Variants in TTC3 observed in about 807,000 individuals in gnomAD.
TTC3 encodes E3 ubiquitin-protein ligase TTC3.
A neutral mutation model predicts 249.6 loss-of-function variants in TTC3; 180 were observed. The observed-to-expected ratio is 0.72, with a 90% CI of 0.64 to 0.82. The LOEUF is 0.82. Ranked by LOEUF, TTC3 falls within the 40% of genes least tolerant of loss-of-function variation. TTC3 has a pLI of 0.00. For synonymous variants in TTC3, 717 were observed against 805.0 expected (o/e 0.89, Z 1.85); for missense variants, 2,061 against 2,398.4 (o/e 0.86, Z 2.94).
At chr21:37,084,852 G>A (rs1424714289) in intron 1 of TTC3, among the ~76,000 whole-genome samples, 1 of 152,174 alleles carries the variant, frequency 6.6e-6, no homozygotes, top group East Asian at 1.9e-4. Context: ...AATTAGCTGG[G>A]CGTGGTGGTG....
rs776155019 is a variant in TTC3 at position 37,187,021 on chromosome 21, AG to A, written c.4827-27del. ...CTCACTGTGAAATTTTGTTCAAGAA[AG>A]TTTTTTTTTTCCTTCAATATTTGTA... is the stretch of plus-strand genomic sequence containing the variant. On this transcript the variant is annotated intron_variant, in intron 37 of 45. Coordinates refer to ENST00000355666, the Ensembl canonical transcript of TTC3. 4.8e-6 allele frequency: 7 copies of A among 1,448,324 alleles called. 1 individual carries two copies. In the Middle Eastern group the frequency reaches 1.3e-3, roughly 263 times the overall value. 89.7% of individuals were successfully genotyped at this position (1,448,324 alleles called of 1,614,324 possible). A position where few individuals can be genotyped will look rare whatever the true frequency, so the allele number is the denominator to read the frequency against.
At chr21:37,146,755 C>G (rs576601182) in intron 21 of TTC3, among the ~76,000 whole-genome samples, 4 of 152,140 alleles carry the variant, frequency 2.6e-5, no homozygotes, top group African/African-American at 9.7e-5. Flanking sequence ...TGAAAATGTT[C>G]TAAATTTAGA....
At chr21:37,075,617 C>T (rs2070741567) in intron 1 of TTC3, among the ~76,000 whole-genome samples, 1 of 152,204 alleles carries the variant, frequency 6.6e-6, no homozygotes, top group East Asian at 1.9e-4. Context: ...GACCAGCTTC[C>T]TTATGACTTT....
At chr21:37,093,917 TA>T in intron 7 of TTC3, 87 bp from the exon 8 acceptor site, 1 of 811,064 alleles carries the variant, frequency 1.2e-6, no homozygotes, top group Non-Finnish European at 2.0e-6. Flanking sequence ...TGGACTCACC[TA>T]ACTCAAGAAT....
chr21:37,123,780 A>T lies in TTC3; in HGVS notation c.1109+752A>T, dbSNP rs537490272. Among the ~76,000 whole-genome samples, 16 of 151,260 alleles carry T rather than the reference A, an allele frequency of 1.1e-4. No homozygotes were observed. The South Asian group carries it at 3.3e-3, about 32-fold the overall frequency. Reference sequence around the variant, plus strand: ...TTTAATTTTTTTGAGACGGAGTCTCACTCTGTCACCCAGGCTGGAGTGCGG... The same window carrying T: ...TTTAATTTTTTTGAGACGGAGTCTCTCTCTGTCACCCAGGCTGGAGTGCGG... On this transcript the variant is annotated intron_variant, in intron 13 of 45. Transcript: ENST00000355666.
intron 35 of TTC3, among the ~76,000 whole-genome samples, chr21:37,173,407 T>C (rs2081977461): frequency 6.6e-6 from 1 of 152,166 alleles, no homozygotes; most frequent in Non-Finnish European, 1.5e-5. Flanking sequence ...TTTGTTGAGA[T>C]CTGCTGACCT....
intron 1 of TTC3, chr21:37,083,478 A>G: frequency 1.2e-6 from 1 of 856,860 alleles, no homozygotes; most frequent in Non-Finnish European, 1.4e-6. Flanking sequence ...GAAACAGTGA[A>G]GGCAGTGGCA....
intron 22 of TTC3, among the ~76,000 whole-genome samples, chr21:37,147,904 T>G (rs1460544077): frequency 6.6e-6 from 1 of 152,146 alleles, no homozygotes; most frequent in Non-Finnish European, 1.5e-5. Context: ...AATTTTTGCA[T>G]TTTTAGTAGA....
At position 37,153,856 on chromosome 21, in the gene TTC3, G is replaced by C. The variant is rs567420674; in HGVS notation, c.2740+579G>C. On this transcript the variant is annotated intron_variant, in intron 27 of 45. Coordinates refer to ENST00000355666, the Ensembl canonical transcript of TTC3. ...AAGAGTGGATGAGACTAATTGCTCAGGGTCACCTAAGGCAAATCTGTATCT... is the reference window on the plus strand; with the variant it reads ...AAGAGTGGATGAGACTAATTGCTCACGGTCACCTAAGGCAAATCTGTATCT... Among the ~76,000 whole-genome samples the C allele has an allele frequency of 2.0e-3, 298 of 152,122 alleles. 1 individual carries two copies. Among genetic ancestry groups the C allele is most frequent in the Middle Eastern group, 0.01 (3 of 294 alleles).
Position 37,189,879 on chromosome 21 carries a change from T to G in TTC3, c.5024+1284T>G, listed in dbSNP as rs541708610. ...AGTGAGCCACCACGCCGGCCGGCCT[T>G]GTTTGTTTTTAAGATAAGGCTTGCT... On this transcript the variant is annotated intron_variant, in intron 39 of 45. Coordinates refer to ENST00000355666, the Ensembl canonical transcript of TTC3. Among the ~76,000 whole-genome samples, 224 of 94,424 alleles carry G rather than the reference T, an allele frequency of 2.4e-3. 2 individuals are homozygous for G. Among genetic ancestry groups the G allele is most frequent in the African/African-American group, 8.7e-3 (205 of 23,502 alleles). The allele number at this position is 94,424 out of a possible 152,430, so 61.9% of individuals were successfully genotyped here.
At chr21:37,170,123 A>G (rs1302579730) in intron 34 of TTC3, among the ~76,000 whole-genome samples, 1 of 152,250 alleles carries the variant, frequency 6.6e-6, no homozygotes, top group Non-Finnish European at 1.5e-5. Context: ...ATACACATGC[A>G]TGTAATGTGT....
intron 10 of TTC3, among the ~76,000 whole-genome samples, chr21:37,107,504 T>C (rs1292604392): frequency 6.6e-6 from 1 of 152,116 alleles, no homozygotes; most frequent in African/African-American, 2.4e-5. Context: ...TCTTGATAGG[T>C]TATGAAAGTA....
chr21:37,187,509 G>C (rs2083437677), intron 38 of TTC3, among the ~76,000 whole-genome samples: 1 of 152,140 alleles, frequency 6.6e-6, no homozygotes, highest in Non-Finnish European at 1.5e-5. Flanking sequence ...TACTTGGAAA[G>C]GAACTTGAAA....
chr21:37,095,939 A>G (rs1386539570), intron 9 of TTC3, among the ~76,000 whole-genome samples: 1 of 152,168 alleles, frequency 6.6e-6, no homozygotes, highest in Non-Finnish European at 1.5e-5. Context: ...GTGCCTCATA[A>G]CTGTGCGCCT....
At chr21:37,170,730 C>T (rs765256260) in intron 34 of TTC3, among the ~76,000 whole-genome samples, 1 of 152,096 alleles carries the variant, frequency 6.6e-6, no homozygotes, top group Non-Finnish European at 1.5e-5. Context: ...GCTATTTGTA[C>T]AAATAGTGTT....
At chr21:37,137,963 G>A (rs990010521) in intron 18 of TTC3, among the ~76,000 whole-genome samples, 1 of 151,702 alleles carries the variant, frequency 6.6e-6, no homozygotes, top group Non-Finnish European at 1.5e-5. Flanking sequence ...GCAAACCACT[G>A]TGGCACGTGT....
chr21:37,087,459 T>A, intron 2 of TTC3, 58 bp downstream of exon 2: 1 of 1,590,002 alleles, frequency 6.3e-7, no homozygotes, highest in Non-Finnish European at 8.6e-7. Flanking sequence ...TTTTCTGGTT[T>A]AGGGCTATCT....
chr21:37,182,585 C>T (rs1397521185), intron 35 of TTC3, among the ~76,000 whole-genome samples, 189 bp from the exon 36 acceptor site: 2 of 152,200 alleles, frequency 1.3e-5, no homozygotes, highest in African/African-American at 4.8e-5. Flanking sequence ...ATGTGGCTGT[C>T]TGGTGTGACT....
At chr21:37,117,826 G>C (rs1472942762) in intron 11 of TTC3, among the ~76,000 whole-genome samples, 1 of 132,978 alleles carries the variant, frequency 7.5e-6, no homozygotes, top group Non-Finnish European at 1.5e-5. Context: ...AGCTATGATT[G>C]CGCCACTTCA....
Sources: gnomAD v4.1 joint callset for allele counts (sites outside exome capture counted in the v4.1 genomes callset) on GRCh38, gnomAD v4.1.1 for gene constraint, MANE v1.5 for transcripts, NCBI Gene and HGNC (gene_info 2026-07-23, HGNC 2026-07-21) for gene names.